Variants in EPHB2 observed in about 807,000 individuals in gnomAD.
EPHB2 encodes EPH receptor B2.
EPHB2 carries 18 observed loss-of-function variants against 96.4 expected under a neutral mutation model. The ratio of observed to expected loss-of-function variants is 0.19; its 90% CI spans 0.13 to 0.28. EPHB2 has a LOEUF of 0.28. Ranked by LOEUF, EPHB2 falls within the 10% of genes least tolerant of loss-of-function variation. The pLI is 1.00. For synonymous variants in EPHB2, 506 were observed against 534.1 expected, an observed-to-expected ratio of 0.95 and a Z score of 0.72; for missense variants, 989 against 1,355.4, an observed-to-expected ratio of 0.73 and a Z score of 4.25.
intron 1 of EPHB2, among the ~76,000 whole-genome samples, chr1:22,737,133 G>T (rs1187785478): frequency 6.6e-6 from 1 of 152,134 alleles, no homozygotes; most frequent in Non-Finnish European, 1.5e-5. Flanking sequence ...GCCCTTTTTA[G>T]CTGTGCCTCC....
intron 3 of EPHB2, among the ~76,000 whole-genome samples, chr1:22,820,492 C>A (rs1260003724): frequency 6.6e-6 from 1 of 152,032 alleles, no homozygotes; most frequent in African/African-American, 2.4e-5. Context: ...GAGACCCCAT[C>A]TCTACACAAA....
chr1:22,833,521 G>T (rs1217100278), intron 3 of EPHB2, among the ~76,000 whole-genome samples: 1 of 152,192 alleles, frequency 6.6e-6, no homozygotes, highest in Non-Finnish European at 1.5e-5. Flanking sequence ...AATTGTTTGG[G>T]AGGTAGATAG....
At chr1:22,803,386 C>T (rs1476897565) in intron 3 of EPHB2, among the ~76,000 whole-genome samples, 1 of 152,024 alleles carries the variant, frequency 6.6e-6, no homozygotes, top group Admixed American at 6.6e-5. Context: ...GCTGGAGGAT[C>T]ACTTGAGCCC....
At chr1:22,760,883 C>T (rs1406703581) in intron 1 of EPHB2, among the ~76,000 whole-genome samples, 3 of 152,140 alleles carry the variant, frequency 2.0e-5, no homozygotes, top group Admixed American at 6.5e-5. Flanking sequence ...TTCATCCTCC[C>T]GACGAGCCTG....
At chr1:22,777,933 C>T (rs1486263539) in intron 1 of EPHB2, among the ~76,000 whole-genome samples, 1 of 152,176 alleles carries the variant, frequency 6.6e-6, no homozygotes, top group Non-Finnish European at 1.5e-5. Context: ...TACTTCCAGA[C>T]TCGGAAGGTA....
chr1:22,754,078 A>G (rs1409846752), intron 1 of EPHB2, among the ~76,000 whole-genome samples: 5 of 152,106 alleles, frequency 3.3e-5, no homozygotes, highest in Non-Finnish European at 4.4e-5. Flanking sequence ...CCTGGGCCTG[A>G]GTGTTCTGTG....
chr1:22,750,210 A>T (rs1481500176), intron 1 of EPHB2, among the ~76,000 whole-genome samples: 1 of 152,184 alleles, frequency 6.6e-6, no homozygotes, highest in Admixed American at 6.5e-5. Context: ...CTCTATGAAA[A>T]GAAAGGCAGT....
chr1:22,774,839 A>G (rs559594822), intron 1 of EPHB2, among the ~76,000 whole-genome samples: 84 of 152,296 alleles, frequency 5.5e-4, no homozygotes, highest in Middle Eastern at 3.4e-3. Flanking sequence ...AACAAGGTGG[A>G]TGCAGACCTC....
chr1:22,766,532 G>A (rs1019534854), intron 1 of EPHB2, among the ~76,000 whole-genome samples: 2 of 152,154 alleles, frequency 1.3e-5, no homozygotes, highest in Non-Finnish European at 2.9e-5. Context: ...TTGTGCAAAG[G>A]GCGTTGTGTC....
chr1:22,720,805 A>G (rs1233105064), intron 1 of EPHB2, among the ~76,000 whole-genome samples: 2 of 152,126 alleles, frequency 1.3e-5, no homozygotes, highest in Admixed American at 6.5e-5. Context: ...TGTGCAATAA[A>G]CGAACCTAAA....
At chr1:22,731,018 A>G (rs1202828871) in intron 1 of EPHB2, among the ~76,000 whole-genome samples, 1 of 152,066 alleles carries the variant, frequency 6.6e-6, no homozygotes, top group Non-Finnish European at 1.5e-5. Context: ...AGGCTGCCTC[A>G]CATAGTTTGG....
chr1:22,762,163 G>A (rs1194171098), intron 1 of EPHB2, among the ~76,000 whole-genome samples: 1 of 152,236 alleles, frequency 6.6e-6, no homozygotes, highest in Non-Finnish European at 1.5e-5. Flanking sequence ...GGTGGCGTAT[G>A]GGAAGGGGCC....
chr1:22,801,005 AC>A (rs1223545882), intron 3 of EPHB2, among the ~76,000 whole-genome samples: 1 of 152,040 alleles, frequency 6.6e-6, no homozygotes, highest in Non-Finnish European at 1.5e-5. Flanking sequence ...ACACACATAT[AC>A]CCACAGGACC....
intron 3 of EPHB2, among the ~76,000 whole-genome samples, chr1:22,809,759 G>A (rs1644977720): frequency 6.6e-6 from 1 of 152,174 alleles, no homozygotes; most frequent in Non-Finnish European, 1.5e-5. Context: ...ACTGTATTAG[G>A]CACCAAGACT....
chr1:22,906,955 C>T lies in EPHB2; in HGVS notation c.2134C>T (p.Arg712Trp), dbSNP rs375886598. Residue 712 changes from arginine to tryptophan, a missense_variant and splice_region_variant, in exon 11 of 16, where the codon CGG (arginine) becomes TGG (tryptophan). Arg to Trp is a moderately radical substitution (Grantham distance 101). Coordinates refer to ENST00000374630, the MANE Select transcript of EPHB2 (RefSeq NM_017449.5). The surrounding 1 kb of genome is among the most constrained non-coding windows in gnomAD (Gnocchi z 4.8). ...GAATGGCTCCCTGGACTCCTTTCTCCGGGTAGGGGAAGCCAAGAGGGCCAG... is the reference window on the plus strand; with the variant it reads ...GAATGGCTCCCTGGACTCCTTTCTCTGGGTAGGGGAAGCCAAGAGGGCCAG... ...MENGSLDSFL[R>W]QNDGQFTVIQ... The T allele has an allele frequency of 6.2e-6, 10 of 1,605,580 alleles. No homozygotes were observed. Among genetic ancestry groups the T allele is most frequent in the African/African-American group, 2.7e-5 (2 of 74,730 alleles).
chr1:22,845,678 T>C (rs1645531374), intron 3 of EPHB2, among the ~76,000 whole-genome samples: 1 of 152,088 alleles, frequency 6.6e-6, no homozygotes, highest in South Asian at 2.1e-4. Flanking sequence ...AGGTTTGTCA[T>C]TTTCCTCTGC....
In EPHB2 at chr1:22,875,781, T is replaced by C. The variant is rs1638818432; in HGVS notation, c.1304-6578T>C. The stretch of plus-strand genomic sequence containing the variant: ...CCCTGACCTCAGATAGTGTTGGTGC[T>C]ATGACAAAAATAAAATGAGTATGAG... On this transcript the variant is annotated intron_variant, in intron 5 of 15. Coordinates refer to ENST00000374630, the MANE Select transcript of EPHB2 (RefSeq NM_017449.5). The surrounding 1 kb of genome is among the most constrained non-coding windows in gnomAD (Gnocchi z 4.2). 6.6e-6 allele frequency among the ~76,000 whole-genome samples: 1 copy of C among 152,022 alleles called. No homozygotes were observed. The highest frequency in any genetic ancestry group is 2.1e-4 in the South Asian group (1 of 4,826).
chr1:22,825,618 G>C (rs12090702), intron 3 of EPHB2, among the ~76,000 whole-genome samples: 1 of 152,252 alleles, frequency 6.6e-6, no homozygotes, highest in African/African-American at 2.4e-5. Context: ...GCGTTGGCCA[G>C]AGTTAGAGAA....
chr1:22,873,249 G>A (rs1315376619), intron 5 of EPHB2, among the ~76,000 whole-genome samples: 1 of 152,150 alleles, frequency 6.6e-6, no homozygotes, highest in Admixed American at 6.6e-5. Context: ...CGGGTCACTC[G>A]GCAGCTCTTT....
Sources: gnomAD v4.1 joint callset for allele counts (sites outside exome capture counted in the v4.1 genomes callset) on GRCh38, gnomAD v4.1.1 for gene constraint, Gnocchi (gnomAD v3.1) non-coding constraint, MANE v1.5 for transcripts, NCBI Gene and HGNC (gene_info 2026-07-23, HGNC 2026-07-21) for gene names.